EP300: variants seen among roughly 807,000 people sequenced by gnomAD.
The protein encoded by EP300 is histone acetyltransferase p300.
EP300 carries 31 observed loss-of-function variants against 264.0 expected under a neutral mutation model. The ratio of observed to expected loss-of-function variants is 0.12; its 90% CI spans 0.09 to 0.16. The LOEUF (loss-of-function observed/expected upper bound fraction) is 0.16, where lower values mean the gene tolerates loss of function less well. Ranked by LOEUF, EP300 falls within the 10% of genes least tolerant of loss-of-function variation. EP300 has a pLI of 1.00. For synonymous variants in EP300, 1,340 were observed against 1,045.4 expected (o/e 1.28, Z -5.44); for missense variants, 2,766 against 3,052.9 (o/e 0.91, Z 2.21).
intron 2 of EP300, among the ~76,000 whole-genome samples, chr22:41,124,749 G>A (rs1249877891): frequency 2.0e-5 from 3 of 152,092 alleles, no homozygotes; most frequent in Non-Finnish European, 4.4e-5. Flanking sequence ...GTGACGTAAT[G>A]GAAATGAATG....
Position 41,176,858 on chromosome 22 carries a change from G to C in EP300, c.5147G>C (p.Ser1716Thr), listed in dbSNP as rs147676363. The change falls in exon 31 of 31, where the codon AGC (serine) becomes ACC (threonine). Residue 1716 changes from serine to threonine, a missense_variant. Physicochemically the swap from Ser to Thr is moderately conservative, Grantham distance 58. Transcript: ENST00000263253. ...CTAGGCCTTGGCTTAGATGATGAGA[G>C]CAACAACCAGCAGGCTGCAGCCACC... ...EKLGLGLDDE[S>T]NNQQAAATQS... 2.0e-4 allele frequency: 317 copies of C among 1,614,094 alleles called. No individual in the cohort carries two copies. In the African/African-American group the frequency reaches 3.9e-3, roughly 20 times the overall value.
chr22:41,142,175 A>T (rs1165830741), intron 10 of EP300, among the ~76,000 whole-genome samples: 1 of 152,208 alleles, frequency 6.6e-6, no homozygotes, highest in Non-Finnish European at 1.5e-5. Flanking sequence ...AAGTGCTGTG[A>T]GCAAGGCTGT....
intron 1 of EP300, among the ~76,000 whole-genome samples, chr22:41,099,768 C>T (rs776386696): frequency 2.8e-4 from 43 of 152,168 alleles, no homozygotes; most frequent in Admixed American, 4.6e-4. Context: ...TTACTTAAAA[C>T]TCAAGCATTG....
At chr22:41,133,187 C>T (rs1569098939) in intron 6 of EP300, among the ~76,000 whole-genome samples, 3 of 132,062 alleles carry the variant, frequency 2.3e-5, no homozygotes, top group South Asian at 2.7e-4. Context: ...AACAGAGTCT[C>T]GCTGTGTCAC....
chr22:41,154,873 G>A (rs1394083040), intron 16 of EP300, 122 bp from the exon 17 acceptor site: 3 of 730,394 alleles, frequency 4.1e-6, no homozygotes, highest in Non-Finnish European at 7.3e-6. Flanking sequence ...ATTTCCATGG[G>A]GACAGAGTGG....
chr22:41,134,725 G>C (rs1314111719), intron 6 of EP300, among the ~76,000 whole-genome samples: 3 of 152,204 alleles, frequency 2.0e-5, no homozygotes, highest in Non-Finnish European at 4.4e-5. Flanking sequence ...TGAGTGACGA[G>C]TTTTTAAGCA....
rs943320429 is a variant in EP300 at position 41,147,928 on chromosome 22, A to G, written c.2223A>G (p.Gln741=). ...TTCAGCACCATGGACAGTTGGCTCA[A>G]CCTGGAGCTCTCAACCCGGTTAGTT... is the stretch of plus-strand genomic sequence containing the variant. ...PPLQHHGQLA[Q]PGALNPPMGY... Residue 741 remains glutamine (Q), a synonymous_variant, in exon 12 of 31, where the codon CAA becomes CAG. Transcript: ENST00000263253. The G allele has an allele frequency of 6.2e-7, 1 of 1,608,412 alleles. No individual in the cohort carries two copies. Among genetic ancestry groups the G allele is most frequent in the Non-Finnish European group, 8.5e-7 (1 of 1,176,908 alleles).
chr22:41,116,366 GCCCCCCATCC>G (rs1294328651), intron 1 of EP300, among the ~76,000 whole-genome samples: 1 of 151,934 alleles, frequency 6.6e-6, no homozygotes, highest in Non-Finnish European at 1.5e-5. Flanking sequence ...TCCTCTCCTA[GCCCCCCATCC>G]CCCAGCAGGC....
intron 1 of EP300, among the ~76,000 whole-genome samples, chr22:41,105,149 A>G (rs1184000953): frequency 7.2e-6 from 1 of 138,508 alleles, no homozygotes; most frequent in African/African-American, 2.7e-5. Flanking sequence ...GTGAGCCGAG[A>G]TCGTGCCACT....
intron 1 of EP300, among the ~76,000 whole-genome samples, chr22:41,102,700 C>T (rs555478679): frequency 7.2e-5 from 11 of 152,094 alleles, no homozygotes; most frequent in Non-Finnish European, 1.6e-4. Context: ...TCCAGCCACC[C>T]TTACCACAGA....
chr22:41,129,511 C>T (rs1294801551), intron 4 of EP300, among the ~76,000 whole-genome samples: 3 of 152,152 alleles, frequency 2.0e-5, no homozygotes, highest in Non-Finnish European at 4.4e-5. Flanking sequence ...GTCATTTTTA[C>T]CCGATCTAAT....
Position 41,176,875 on chromosome 22 carries a change from G to A in EP300, c.5164G>A (p.Ala1722Thr), listed in dbSNP as rs1601639695. The A allele has an allele frequency of 1.9e-6, 3 of 1,614,132 alleles. No homozygotes were observed. Among genetic ancestry groups the A allele is most frequent in the East Asian group, 4.5e-5 (2 of 44,880 alleles). The change falls in exon 31 of 31, where the codon GCA (alanine) becomes ACA (threonine). Residue 1722 changes from alanine (A) to threonine (T), a missense_variant. Transcript: ENST00000263253. The part of the protein sequence containing the change: ...LDDESNNQQA[A>T]ATQSPGDSRR... The stretch of plus-strand genomic sequence containing the variant: ...TGATGAGAGCAACAACCAGCAGGCT[G>A]CAGCCACCCAGAGCCCAGGCGATTC...
chr22:41,139,356 A>G (rs1157784439), intron 8 of EP300, among the ~76,000 whole-genome samples: 1 of 152,250 alleles, frequency 6.6e-6, no homozygotes, highest in African/African-American at 2.4e-5. Flanking sequence ...CCGATCTCTT[A>G]TTTTGTGACA....
At chr22:41,129,823 C>G (rs1048052578) in intron 4 of EP300, 67 bp from the exon 5 acceptor site, 2 of 1,218,848 alleles carry the variant, frequency 1.6e-6, no homozygotes, top group East Asian at 2.4e-5. Context: ...AAGTGGTCAA[C>G]AAGTTAGCTA....
chr22:41,178,099 A>T lies in EP300; in HGVS notation c.6388A>T (p.Met2130Leu). Residue 2130 changes from methionine (M) to leucine (L), a missense_variant, in exon 31 of 31, where the codon ATG becomes TTG. Transcript: ENST00000263253. ...GQQGVHSNPA[M>L]QNMNPMQAGV... ...GCAGGGGGTCCACTCCAATCCAGCC[A>T]TGCAGAACATGAATCCAATGCAGGC... 1 of 1,614,108 alleles carries T rather than the reference A, an allele frequency of 6.2e-7. No individual in the cohort carries two copies. The highest frequency in any genetic ancestry group is 8.5e-7 in the Non-Finnish European group (1 of 1,179,986).
In EP300 at chr22:41,179,183, C is replaced by G. The variant is rs929348113; in HGVS notation, c.*227C>G. On this transcript the variant is annotated 3_prime_UTR_variant, in exon 31 of 31. Coordinates refer to ENST00000263253, the MANE Select transcript of EP300 (RefSeq NM_001429.4). The stretch of plus-strand genomic sequence containing the variant: ...TTTGTTATGGCTGGTTACCACCAGC[C>G]TTTCTTCCCCTTTGTGTGTGTGGTT... 3.5e-6 allele frequency: 2 copies of G among 574,190 alleles called. No homozygotes were observed. Among genetic ancestry groups the G allele is most frequent in the South Asian group, 2.1e-5 (1 of 48,046 alleles). 35.6% of individuals were successfully genotyped at this position (574,190 alleles called of 1,614,324 possible).
At chr22:41,123,808 G>GA (rs775195985) in intron 2 of EP300, among the ~76,000 whole-genome samples, 28 of 152,290 alleles carry the variant, frequency 1.8e-4, no homozygotes, top group Non-Finnish European at 3.8e-4. Context: ...AAAATAATTT[G>GA]AAAGATTAAT....
rs2145736158 is a variant in EP300 at position 41,149,153 on chromosome 22, G to A, written c.2357G>A (p.Ser786Asn). 1.2e-6 allele frequency: 2 copies of A among 1,613,960 alleles called. No individual in the cohort carries two copies. Among genetic ancestry groups the A allele is most frequent in the South Asian group, 2.2e-5 (2 of 91,080 alleles). The change falls in exon 13 of 31, where the codon AGC becomes AAC. Residue 786 changes from serine (S) to asparagine (N), a missense_variant. Transcript: ENST00000263253. ...NVTNIPLAPS[S>N]GQAPVSQAQM... The stretch of plus-strand genomic sequence containing the variant: ...ACAAATATCCCTTTGGCTCCGTCCA[G>A]CGGTCAAGCTCCAGTGTCTCAAGTA...
In EP300 at chr22:41,135,854, A is replaced by G; in HGVS notation, c.1570A>G (p.Thr524Ala). The change falls in exon 7 of 31, where the codon ACG becomes GCG. Residue 524 changes from threonine to alanine, a missense_variant. By Grantham distance (58) the Thr-to-Ala change is moderately conservative. Coordinates refer to ENST00000263253, the MANE Select transcript of EP300 (RefSeq NM_001429.4). ...AGTAAATGGAGGTGTAGGAGTTCAA[A>G]CGCCGAGTCTTCTTTCTGACTCAAT... ...MGVNGGVGVQ[T>A]PSLLSDSMLH... 6.2e-7 allele frequency: 1 copy of G among 1,614,110 alleles called. No homozygotes were observed.
Sources: allele counts gnomAD v4.1 joint callset (sites outside exome capture counted in the v4.1 genomes callset), GRCh38; gene constraint gnomAD v4.1.1; transcripts MANE v1.5; gene names NCBI Gene and HGNC (gene_info 2026-07-23, HGNC 2026-07-21).